The following KCTD10 variants were observed in gnomAD, a reference collection of about 807,000 sequenced individuals.
KCTD10 encodes BTB/POZ domain-containing adapter for CUL3-mediated RhoA degradation protein 3.
KCTD10 carries 13 observed loss-of-function variants against 34.6 expected under a neutral mutation model. That is an observed-to-expected ratio of 0.38 (90% CI 0.24 to 0.60). The LOEUF (loss-of-function observed/expected upper bound fraction) is 0.60. KCTD10 is among the 20% of genes least tolerant of loss of function. The pLI, the probability that KCTD10 is intolerant of heterozygous loss-of-function variation, is 0.66. For missense variants in KCTD10, 256 were observed against 420.3 expected (o/e 0.61, Z 3.42); for synonymous variants, 156 against 168.8 (o/e 0.92, Z 0.59).
chr12:109,458,186 TG>T, intron 3 of KCTD10, 108 bp from the exon 4 acceptor site: 1 of 786,260 alleles, frequency 1.3e-6, no homozygotes, highest in South Asian at 1.5e-5. Context: ...CAGTCATGGC[TG>T]GGAAGAGAGA....
chr12:109,467,559 C>T (rs1873649609), intron 2 of KCTD10, among the ~76,000 whole-genome samples: 1 of 152,064 alleles, frequency 6.6e-6, no homozygotes, highest in South Asian at 2.1e-4. Flanking sequence ...GAGATGGAGG[C>T]TGCCGTGAGC....
At chr12:109,472,097 C>T (rs1378658118) in intron 1 of KCTD10, among the ~76,000 whole-genome samples, 3 of 152,090 alleles carry the variant, frequency 2.0e-5, no homozygotes, top group Admixed American at 1.3e-4. Flanking sequence ...GGCCACACTA[C>T]ATTTATTTAA....
At position 109,449,674 on chromosome 12, in the gene KCTD10, G is replaced by A. The variant is rs920074437; in HGVS notation, c.*1921C>T. ...CCAGGAGGCACAAGTTGTGGTAAGT[G>A]GAGATGGTGCCACTACACTCCAGCC... On this transcript the variant is annotated 3_prime_UTR_variant, in exon 7 of 7. Transcript: ENST00000228495. 1 of 152,000 alleles carries A rather than the reference G, an allele frequency of 6.6e-6. No individual in the cohort carries two copies. 9.4% of individuals were successfully genotyped at this position (152,000 alleles called of 1,614,324 possible). A position where few individuals can be genotyped will look rare whatever the true frequency, so the allele number is the denominator to read the frequency against.
intron 6 of KCTD10, among the ~76,000 whole-genome samples, chr12:109,454,848 A>G (rs1486242111): frequency 1.3e-5 from 2 of 152,248 alleles, no homozygotes; most frequent in African/African-American, 4.8e-5. Context: ...AACAGTTGGG[A>G]TCAGACCATG....
At chr12:109,457,547 G>A (rs1046184594) in intron 5 of KCTD10, 83 bp downstream of exon 5, 1 of 1,174,256 alleles carries the variant, frequency 8.5e-7, no homozygotes, top group Non-Finnish European at 1.3e-6. Flanking sequence ...CTCATCTGAA[G>A]GTACGAAGAA....
intron 1 of KCTD10, among the ~76,000 whole-genome samples, chr12:109,476,017 A>T (rs989888609): frequency 6.6e-6 from 1 of 152,236 alleles, no homozygotes; most frequent in Non-Finnish European, 1.5e-5. Flanking sequence ...AATCACACCT[A>T]TAAGAGCCCT....
intron 3 of KCTD10, 122 bp from the exon 4 acceptor site, chr12:109,458,200 G>T (rs76932709): frequency 0.014 from 9,321 of 689,298 alleles, 147 homozygotes; most frequent in East Asian, 0.054. Flanking sequence ...AAGAGAGAAG[G>T]ATTCTCACCA....
intron 2 of KCTD10, chr12:109,464,986 C>T: frequency 2.7e-6 from 1 of 366,526 alleles, no homozygotes; most frequent in East Asian, 7.8e-5. Flanking sequence ...AGCCATAGCC[C>T]TTGAGATGGC....
chr12:109,464,088 C>G (rs1161419175), intron 2 of KCTD10, among the ~76,000 whole-genome samples: 1 of 152,180 alleles, frequency 6.6e-6, no homozygotes, highest in African/African-American at 2.4e-5. Context: ...CCCTGGATGT[C>G]TGACCTCTCC....
Position 109,469,828 on chromosome 12 carries a change from C to A in KCTD10, c.4-100G>T, listed in dbSNP as rs545954736. On this transcript the variant is annotated intron_variant, in intron 1 of 6. Transcript: ENST00000228495. Reference sequence around the variant, plus strand: ...CTCCAGATGTGTTTTGCTTGGGCCACGCATACACAGCATTTAAAAGTTTGC... The same window carrying A: ...CTCCAGATGTGTTTTGCTTGGGCCAAGCATACACAGCATTTAAAAGTTTGC... 27 of 1,517,658 alleles carry A rather than the reference C, an allele frequency of 1.8e-5. No individual in the cohort carries two copies. The South Asian group carries it at 3.2e-4, about 18-fold the overall frequency. The allele number at this position is 1,517,658 out of a possible 1,614,324, so 94.0% of individuals were successfully genotyped here.
chr12:109,457,720 T>C, intron 4 of KCTD10, 38 bp from the exon 5 acceptor site: 1 of 1,605,340 alleles, frequency 6.2e-7, no homozygotes, highest in Non-Finnish European at 8.5e-7. Context: ...GAGAGTTACT[T>C]GGCAGGCAGA....
At chr12:109,472,273 A>C (rs929895326) in intron 1 of KCTD10, among the ~76,000 whole-genome samples, 1 of 152,110 alleles carries the variant, frequency 6.6e-6, no homozygotes, top group African/African-American at 2.4e-5. Context: ...TCCTTATTCT[A>C]TAAGCTTTTT....
chr12:109,457,932 A>C, intron 4 of KCTD10, 60 bp downstream of exon 4: 1 of 1,378,552 alleles, frequency 7.3e-7, no homozygotes, highest in Admixed American at 1.7e-5. Flanking sequence ...AAAGTTATTC[A>C]GAAGAACCTC....
chr12:109,474,039 C>A (rs1874025939), intron 1 of KCTD10, among the ~76,000 whole-genome samples: 1 of 152,064 alleles, frequency 6.6e-6, no homozygotes. Context: ...CCTCGGCATC[C>A]CAAAGTGCTC....
At chr12:109,467,016 C>T (rs1353883699) in intron 2 of KCTD10, among the ~76,000 whole-genome samples, 1 of 152,226 alleles carries the variant, frequency 6.6e-6, no homozygotes, top group Non-Finnish European at 1.5e-5. Flanking sequence ...ACACAGACAA[C>T]AGCTGGAAGG....
chr12:109,470,665 T>C, intron 1 of KCTD10: 4 of 920,388 alleles, frequency 4.3e-6, no homozygotes, highest in Non-Finnish European at 5.2e-6. Context: ...TCACAGCACA[T>C]CACCCTCAGA....
At chr12:109,462,738 C>T (rs1178409313) in intron 2 of KCTD10, among the ~76,000 whole-genome samples, 1 of 152,184 alleles carries the variant, frequency 6.6e-6, no homozygotes, top group Admixed American at 6.5e-5. Flanking sequence ...TCTGATGTTC[C>T]ATGCAATGCC....
intron 5 of KCTD10, 66 bp downstream of exon 5, chr12:109,457,564 G>C: frequency 1.4e-6 from 2 of 1,400,138 alleles, no homozygotes; most frequent in Non-Finnish European, 2.0e-6. Flanking sequence ...AGAAGAGCTG[G>C]GCCTGGCTGG....
intron 6 of KCTD10, among the ~76,000 whole-genome samples, chr12:109,454,815 C>T (rs1449003446): frequency 6.6e-6 from 1 of 152,216 alleles, no homozygotes; most frequent in Admixed American, 6.5e-5. Context: ...CATGCCACTC[C>T]TGAACCTGTC....
Sources: allele counts gnomAD v4.1 joint callset (sites outside exome capture counted in the v4.1 genomes callset), GRCh38; gene constraint gnomAD v4.1.1; transcripts MANE v1.5; gene names NCBI Gene and HGNC (gene_info 2026-07-23, HGNC 2026-07-21).